Variants in CEP57 observed in about 807,000 individuals in gnomAD.
The protein encoded by CEP57 is centrosomal protein 57.
Under a neutral mutation model 68.0 loss-of-function variants are expected in CEP57, and 40 were observed. The observed-to-expected ratio is 0.59, with a 90% CI of 0.46 to 0.77. The LOEUF (loss-of-function observed/expected upper bound fraction) is 0.77. CEP57 is among the 30% of genes least tolerant of loss of function. The probability of loss-of-function intolerance (pLI) is 0.00; values close to 1 mark genes in which losing one functional copy is unlikely to be tolerated. For missense variants in CEP57, 606 were observed against 580.7 expected (o/e 1.04, Z -0.45); for synonymous variants, 219 against 198.7 (o/e 1.10, Z -0.86).
intron 8 of CEP57, chr11:95,826,442 G>A (rs557962712): frequency 1.3e-5 from 2 of 152,290 alleles, no homozygotes; most frequent in East Asian, 3.9e-4. Context: ...GTTTGGTGGG[G>A]GAGTTGGTCA....
chr11:95,801,603 C>G (rs1364593149), intron 2 of CEP57, among the ~76,000 whole-genome samples: 1 of 151,856 alleles, frequency 6.6e-6, no homozygotes, highest in Non-Finnish European at 1.5e-5. Flanking sequence ...AATCCTTCAA[C>G]TATAATATTG....
chr11:95,800,635 C>T (rs1454940279), intron 2 of CEP57, among the ~76,000 whole-genome samples: 1 of 152,162 alleles, frequency 6.6e-6, no homozygotes, highest in Non-Finnish European at 1.5e-5. Context: ...CGTGATCCAC[C>T]CGCCTTGGCC....
chr11:95,828,413 G>A (rs753763051), intron 9 of CEP57, among the ~76,000 whole-genome samples: 1 of 152,168 alleles, frequency 6.6e-6, no homozygotes, highest in Non-Finnish European at 1.5e-5. Context: ...AACCTATACA[G>A]CATGTTACTC....
intron 1 of CEP57, among the ~76,000 whole-genome samples, chr11:95,798,221 A>C (rs946837364): frequency 2.0e-5 from 3 of 152,210 alleles, no homozygotes; most frequent in African/African-American, 2.4e-5. Context: ...TATTTATATA[A>C]ATAGAAAATG....
At chr11:95,818,032 T>A (rs1590947370) in intron 5 of CEP57, 129 bp downstream of exon 5, 3 of 682,064 alleles carry the variant, frequency 4.4e-6, no homozygotes, top group Non-Finnish European at 8.0e-6. Context: ...ATTGGAGTTT[T>A]AAAAAGAAAA....
intron 4 of CEP57, among the ~76,000 whole-genome samples, chr11:95,816,813 G>A (rs1039969059): frequency 6.6e-6 from 1 of 151,920 alleles, no homozygotes; most frequent in African/African-American, 2.4e-5. Flanking sequence ...GGGTTTGAGA[G>A]CAGCCTGGCC....
chr11:95,802,543 G>A (rs764338100), intron 2 of CEP57, among the ~76,000 whole-genome samples: 3 of 152,098 alleles, frequency 2.0e-5, no homozygotes, highest in Non-Finnish European at 4.4e-5. Flanking sequence ...GTGAGCCACC[G>A]TGCCTGGCAA....
intron 4 of CEP57, among the ~76,000 whole-genome samples, chr11:95,817,068 T>C (rs796956966): frequency 6.0e-5 from 9 of 150,994 alleles, no homozygotes; most frequent in African/African-American, 2.2e-4. Flanking sequence ...ACTCTAAACT[T>C]CAAAAAAAAA....
intron 10 of CEP57, among the ~76,000 whole-genome samples, chr11:95,829,649 TTC>T (rs780047798): frequency 3.9e-5 from 6 of 152,320 alleles, no homozygotes; most frequent in Admixed American, 6.5e-5. Flanking sequence ...ACCTGCGAAA[TTC>T]TGTTTCCAAA....
intron 2 of CEP57, among the ~76,000 whole-genome samples, chr11:95,805,089 A>G (rs1861737062): frequency 6.6e-6 from 1 of 152,252 alleles, no homozygotes; most frequent in Non-Finnish European, 1.5e-5. Flanking sequence ...AATAATAAAT[A>G]TAAGTGCAGA....
chr11:95,812,804 C>T, intron 2 of CEP57, 128 bp from the exon 3 acceptor site: 1 of 852,852 alleles, frequency 1.2e-6, no homozygotes, highest in South Asian at 1.4e-5. Context: ...TTTATTGTTC[C>T]CAAAGAGTGA....
chr11:95,800,449 G>T (rs1160463592), intron 2 of CEP57, among the ~76,000 whole-genome samples: 1 of 151,648 alleles, frequency 6.6e-6, no homozygotes, highest in Admixed American at 6.6e-5. Flanking sequence ...AGGCTGGAGT[G>T]CAGTGGCGGG....
rs894773175 is a variant in CEP57, at chr11:95,817,711, A to G, written c.505-76A>G. The stretch of plus-strand genomic sequence containing the variant: ...GTTATGTGAAGGGCCAAATAACAGC[A>G]TAGAAAAACACTGCTCAGTGTTTTT... On this transcript the variant is annotated intron_variant, in intron 4 of 10. Coordinates refer to ENST00000325542, the MANE Select transcript of CEP57 (RefSeq NM_014679.5). 12 of 972,166 alleles carry G rather than the reference A, an allele frequency of 1.2e-5. No individual in the cohort carries two copies. The African/African-American group carries it at 1.8e-4, about 14-fold the overall frequency. The allele number at this position is 972,166 out of a possible 1,614,324, so 60.2% of individuals were successfully genotyped here.
chr11:95,828,155 A>G (rs137966276), intron 9 of CEP57, 128 bp downstream of exon 9: 4 of 1,055,066 alleles, frequency 3.8e-6, no homozygotes, highest in South Asian at 1.6e-5. Context: ...CCTTATACCA[A>G]CCAAGTTACT....
At position 95,816,947 on chromosome 11, in the gene CEP57, G is replaced by T. The variant is rs561247886; in HGVS notation, c.505-840G>T. ...AATTACTTGAACCCAGGAGGCAGAG[G>T]TTGCAGTGAGCTGAGATGATGCCAC... On this transcript the variant is annotated intron_variant, in intron 4 of 10. Coordinates refer to ENST00000325542, the MANE Select transcript of CEP57 (RefSeq NM_014679.5). Among the ~76,000 whole-genome samples, 5 of 151,096 alleles carry T rather than the reference G, an allele frequency of 3.3e-5. No individual in the cohort carries two copies. The South Asian group carries it at 6.3e-4, about 19-fold the overall frequency.
chr11:95,797,991 T>G (rs149802591), intron 1 of CEP57, among the ~76,000 whole-genome samples: 1 of 152,328 alleles, frequency 6.6e-6, no homozygotes, highest in East Asian at 1.9e-4. Context: ...TTGACAATAT[T>G]ATAAAGAATT....
chr11:95,822,371 A>G (rs1314766461), intron 7 of CEP57, 128 bp from the exon 8 acceptor site: 1 of 727,704 alleles, frequency 1.4e-6, no homozygotes, highest in Non-Finnish European at 2.4e-6. Context: ...GCTTGTGATC[A>G]TAATGCCAAC....
At chr11:95,823,973 C>A (rs1240792135) in intron 8 of CEP57, among the ~76,000 whole-genome samples, 1 of 147,004 alleles carries the variant, frequency 6.8e-6, no homozygotes, top group South Asian at 2.1e-4. Flanking sequence ...CATGACATGA[C>A]AAGAAAAAGT....
chr11:95,813,294 G>T (rs1013056368), intron 3 of CEP57, among the ~76,000 whole-genome samples, 174 bp from the exon 4 acceptor site: 6 of 152,174 alleles, frequency 3.9e-5, no homozygotes, highest in Non-Finnish European at 8.8e-5. Context: ...TTTACTGAAT[G>T]CAAGGCCAGT....
Sources: allele counts gnomAD v4.1 joint callset (sites outside exome capture counted in the v4.1 genomes callset), GRCh38; gene constraint gnomAD v4.1.1; transcripts MANE v1.5; gene names NCBI Gene and HGNC (gene_info 2026-07-23, HGNC 2026-07-21).